Variants in CFAP251 observed in about 807,000 individuals in gnomAD.
The protein encoded by CFAP251 is cilia and flagella associated protein 251.
Under a neutral mutation model 126.7 loss-of-function variants are expected in CFAP251, and 93 were observed. The ratio of observed to expected loss-of-function variants is 0.73; its 90% confidence interval spans 0.62 to 0.87. The LOEUF (loss-of-function observed/expected upper bound fraction) is 0.87. CFAP251 is among the 40% of genes least tolerant of loss of function. The pLI is 0.00. For synonymous variants in CFAP251, 503 were observed against 506.9 expected (o/e 0.99, Z 0.10); for missense variants, 1,287 against 1,389.2 (o/e 0.93, Z 1.17).
intron 19 of CFAP251, among the ~76,000 whole-genome samples, chr12:121,984,798 C>A (rs565681489): frequency 1.4e-3 from 218 of 152,196 alleles, no homozygotes; most frequent in Non-Finnish European, 2.6e-3. Flanking sequence ...TCATTCGTTT[C>A]CTGCTTACTT....
rs759569706 is a variant in CFAP251, at chr12:121,999,739, C to T, written c.3030C>T (p.Ile1010=). 1 of 1,606,826 alleles carries T rather than the reference C, an allele frequency of 6.2e-7. No homozygotes were observed. The highest frequency in any genetic ancestry group is 8.5e-7 in the Non-Finnish European group (1 of 1,174,118). ...EEKIDDIFNE[I]KFGEYVDTGK... ...AGATTGATGATATATTTAACGAAAT[C>T]AAATTTGGTGAATATGTGGACACTG... The change falls in exon 20 of 22, where the codon ATC becomes ATT. Residue 1010 remains isoleucine (I), a synonymous_variant. Transcript: ENST00000288912.
At chr12:121,954,836 T>A (rs1025220991) in intron 10 of CFAP251, among the ~76,000 whole-genome samples, 7 of 151,928 alleles carry the variant, frequency 4.6e-5, no homozygotes, top group African/African-American at 9.7e-5. Context: ...ATTGGATTTT[T>A]AAAAAAATCA....
chr12:121,978,844 G>C lies in CFAP251; in HGVS notation c.3006+3159G>C, dbSNP rs185054547. Among the ~76,000 whole-genome samples, 4 of 152,268 alleles carry C rather than the reference G, an allele frequency of 2.6e-5. No individual in the cohort carries two copies. The East Asian group carries it at 7.7e-4, about 29-fold the overall frequency. ...ACACAGCTGTGTGGAGCATCTCTGT[G>C]CATGGTTTTTGCACACTTCTCTCAT... is the stretch of plus-strand genomic sequence containing the variant. On this transcript the variant is annotated intron_variant, in intron 19 of 21. Transcript: ENST00000288912.
rs1883155654 is a variant in CFAP251, at chr12:122,001,689, C to G, written c.3337+91C>G. On this transcript the variant is annotated intron_variant, in intron 21 of 21. Transcript: ENST00000288912. ...ATTTATTTCTCCTGATCGGTGCAAG[C>G]CACTCTCCCTAAGACTGCACATAAC... 4 of 976,442 alleles carry G rather than the reference C, an allele frequency of 4.1e-6. No homozygotes were observed. In the East Asian group the frequency reaches 9.8e-5, roughly 24 times the overall value. The allele number at this position is 976,442 out of a possible 1,614,324, so 60.5% of individuals were successfully genotyped here. A position where few individuals can be genotyped will look rare whatever the true frequency, so the allele number is the denominator to read the frequency against.
At chr12:122,002,291 G>T (rs191731068) in intron 21 of CFAP251, among the ~76,000 whole-genome samples, 37 of 151,880 alleles carry the variant, frequency 2.4e-4, no homozygotes, top group Admixed American at 2.3e-3. Context: ...GGAGGTGGAG[G>T]TTGCAGTGAG....
intron 11 of CFAP251, among the ~76,000 whole-genome samples, chr12:121,957,497 G>A (rs1474328606): frequency 1.3e-5 from 2 of 152,134 alleles, no homozygotes; most frequent in African/African-American, 2.4e-5. Context: ...GAGGTCAGGA[G>A]ATCGAGACCA....
chr12:121,958,133 TA>T, intron 11 of CFAP251, 138 bp from the exon 12 acceptor site: 1 of 1,272,312 alleles, frequency 7.9e-7, no homozygotes. Context: ...ATTGGTGGTA[TA>T]TTTTTGGAAA....
rs905883792 is a variant in CFAP251 at position 121,967,205 on chromosome 12, A to G, written c.2607+136A>G. The G allele has an allele frequency of 5.5e-6, 4 of 726,584 alleles. No homozygotes were observed. In the South Asian group the frequency reaches 7.4e-5, roughly 13 times the overall value. 45.0% of individuals were successfully genotyped at this position (726,584 alleles called of 1,614,324 possible). ...ACTGCTTCCACCCCAGTCAGCTGTG[A>G]TACTGAAAATTGCCCTTGATGAGTT... On this transcript the variant is annotated intron_variant, in intron 16 of 21. Coordinates refer to ENST00000288912, the MANE Select transcript of CFAP251 (RefSeq NM_144668.6).
chr12:121,951,608 G>T, intron 9 of CFAP251, 78 bp downstream of exon 9: 1 of 1,113,214 alleles, frequency 9.0e-7, no homozygotes, highest in East Asian at 2.5e-5. Flanking sequence ...GCTGCTTCGG[G>T]CTACTCTTTG....
In CFAP251 at chr12:121,954,269, T is replaced by C; in HGVS notation, c.1470T>C (p.Tyr490=). Residue 490 remains tyrosine, a synonymous_variant, in exon 10 of 22, where the codon TAT becomes TAC. Transcript: ENST00000288912. ...SSASTFLGFP[Y]IKPCKLVHLQ... ...CCTCCACCTTTTTGGGCTTTCCCTA[T>C]ATCAAGCCTTGTAAATTGGTTCATT... 6.2e-7 allele frequency: 1 copy of C among 1,614,212 alleles called. No homozygotes were observed. Among genetic ancestry groups the C allele is most frequent in the Non-Finnish European group, 8.5e-7 (1 of 1,180,040 alleles).
At chr12:121,985,914 A>T (rs1302802043) in intron 19 of CFAP251, among the ~76,000 whole-genome samples, 5 of 152,172 alleles carry the variant, frequency 3.3e-5, no homozygotes, top group African/African-American at 1.2e-4. Context: ...CCAGCACTTT[A>T]TGAGGCCAAA....
chr12:121,938,561 C>A (rs1880981270), intron 5 of CFAP251, among the ~76,000 whole-genome samples: 1 of 150,740 alleles, frequency 6.6e-6, no homozygotes, highest in African/African-American at 2.4e-5. Flanking sequence ...AATTCCTGGG[C>A]TCAAGTGATC....
At chr12:121,940,514 GT>G (rs1881068393) in intron 5 of CFAP251, among the ~76,000 whole-genome samples, 1 of 152,098 alleles carries the variant, frequency 6.6e-6, no homozygotes, top group Admixed American at 6.6e-5. Flanking sequence ...TATCTTCACT[GT>G]ATCTAGGACT....
At position 121,923,763 on chromosome 12, in the gene CFAP251, C is replaced by T. The variant is rs1325729542; in HGVS notation, c.520C>T (p.Pro174Ser). Reference sequence around the variant, plus strand: ...TCCTGAGGAACAACAGATTAGTTCCCCTGAAAGGCAGCCCTCAGGAGAGCT... The same window carrying T: ...TCCTGAGGAACAACAGATTAGTTCCTCTGAAAGGCAGCCCTCAGGAGAGCT... ...ISPEEQQISS[P>S]ERQPSGELEE... Residue 174 changes from proline to serine, a missense_variant, in exon 3 of 22, where the codon CCT (proline) becomes TCT (serine). Transcript: ENST00000288912. The T allele has an allele frequency of 1.2e-6, 2 of 1,614,044 alleles. No homozygotes were observed. The highest frequency in any genetic ancestry group is 1.7e-6 in the Non-Finnish European group (2 of 1,180,012).
chr12:121,947,471 T>C (rs1881365288), intron 7 of CFAP251, among the ~76,000 whole-genome samples: 1 of 152,150 alleles, frequency 6.6e-6, no homozygotes. Context: ...TTTCTTTTCT[T>C]TTCTTTTTTT....
intron 19 of CFAP251, among the ~76,000 whole-genome samples, chr12:121,980,209 C>G (rs750600454): frequency 5.9e-5 from 9 of 152,180 alleles, no homozygotes; most frequent in Non-Finnish European, 1.3e-4. Flanking sequence ...GGGGTGGGCT[C>G]AGTCCCCTTT....
At chr12:121,961,441 C>T (rs990430756) in intron 14 of CFAP251, among the ~76,000 whole-genome samples, 4 of 151,938 alleles carry the variant, frequency 2.6e-5, no homozygotes, top group Non-Finnish European at 4.4e-5. Context: ...GCCCTGCCCA[C>T]GGAAGCATAC....
chr12:121,923,601 A>G, intron 2 of CFAP251, 21 bp from the exon 3 acceptor site: 1 of 1,585,258 alleles, frequency 6.3e-7, no homozygotes. Context: ...TGGAATCATG[A>G]TATTTTATTT....
intron 11 of CFAP251, 44 bp downstream of exon 11, chr12:121,957,312 A>T: frequency 6.4e-7 from 1 of 1,553,868 alleles, no homozygotes; most frequent in Non-Finnish European, 8.7e-7. Flanking sequence ...TTGAAAAATG[A>T]TCACTGTCTT....
Sources: allele counts gnomAD v4.1 joint callset (sites outside exome capture counted in the v4.1 genomes callset), GRCh38; gene constraint gnomAD v4.1.1; transcripts MANE v1.5; gene names NCBI Gene and HGNC (gene_info 2026-07-23, HGNC 2026-07-21).